The following ZNF729 variants were observed in gnomAD, a reference collection of about 807,000 sequenced individuals.
ZNF729 encodes the protein zinc finger protein 729.
In ZNF729, 15 loss-of-function variants were observed where a neutral mutation model predicts 12.2. That is an observed-to-expected ratio of 1.23 (90% confidence interval 0.82 to 1.89). The LOEUF is 1.89. ZNF729 is among the 40% of genes most tolerant of loss of function. The pLI, the probability that ZNF729 is intolerant of heterozygous loss-of-function variation, is 0.00. For missense variants in ZNF729, 1,540 were observed against 1,456.7 expected, an observed-to-expected ratio of 1.06 and a Z score of -0.93; for synonymous variants, 492 against 476.3, an observed-to-expected ratio of 1.03 and a Z score of -0.43.
At chr19:22,295,037 T>TA (rs199627690) in intron 1 of ZNF729, among the ~76,000 whole-genome samples, 4 of 139,646 alleles carry the variant, frequency 2.9e-5, no homozygotes, top group African/African-American at 1.2e-4. Context: ...CTCCTAGATA[T>TA]TTGTGTGTGT....
intron 3 of ZNF729, among the ~76,000 whole-genome samples, chr19:22,307,047 A>G (rs1329596657): frequency 6.6e-6 from 1 of 151,634 alleles, no homozygotes; most frequent in Non-Finnish European, 1.5e-5. Flanking sequence ...AATATAAAAG[A>G]CTCATTTTAG....
chr19:22,315,653 G>A lies in ZNF729; in HGVS notation c.2236G>A (p.Gly746Ser), dbSNP rs1294043837. ...GAAACCCTGCAAATGTGAAGAATGT[G>A]GCAAATCTTTTAAGCATTTCTCAGC... ...AEKPCKCEEC[G>S]KSFKHFSALR... Residue 746 changes from glycine to serine, a missense_variant, in exon 4 of 4, where the codon GGC becomes AGC. Coordinates refer to ENST00000601693, the MANE Select transcript of ZNF729 (RefSeq NM_001242680.2). 2 of 1,608,576 alleles carry A rather than the reference G, an allele frequency of 1.2e-6. No homozygotes were observed. The highest frequency in any genetic ancestry group is 1.7e-6 in the Non-Finnish European group (2 of 1,179,298).
At chr19:22,288,247 AT>A (rs1261791550) in intron 1 of ZNF729, among the ~76,000 whole-genome samples, 2 of 149,670 alleles carry the variant, frequency 1.3e-5, no homozygotes, top group African/African-American at 2.5e-5. Context: ...GTTTGTAAAT[AT>A]TTCCTATGAG....
chr19:22,303,955 G>A (rs1366886988), intron 2 of ZNF729, 71 bp downstream of exon 2: 7 of 1,393,698 alleles, frequency 5.0e-6, no homozygotes, highest in Non-Finnish European at 6.7e-6. Context: ...TGTAGAATGT[G>A]TTTTGGTGAT....
At chr19:22,286,647 GTCAGCTCCACA>G in intron 1 of ZNF729, 92 bp downstream of exon 1, 1 of 1,506,278 alleles carries the variant, frequency 6.6e-7, no homozygotes, top group Non-Finnish European at 9.2e-7. Flanking sequence ...CCTCCCCGCA[GTCAGCTCCACA>G]ATCTGCGCCT....
chr19:22,301,950 C>T (rs1460638850), intron 1 of ZNF729, among the ~76,000 whole-genome samples: 1 of 152,428 alleles, frequency 6.6e-6, no homozygotes, highest in East Asian at 1.9e-4. Flanking sequence ...GTCTCTTCTG[C>T]CTGGCTCATC....
Position 22,314,711 on chromosome 19 carries a change from T to A in ZNF729, c.1294T>A (p.Tyr432Asn). Residue 432 changes from tyrosine to asparagine, a missense_variant, in exon 4 of 4, where the codon TAC (tyrosine) becomes AAC (asparagine). By Grantham distance (143) the Tyr-to-Asn change is moderately radical (BLOSUM62 -2). Coordinates refer to ENST00000601693, the MANE Select transcript of ZNF729 (RefSeq NM_001242680.2). ...HKIIHTGKKP[Y>N]KCEECGKAFN... is the part of the protein sequence containing the mutation. ...GATAATTCATACTGGAAAGAAACCC[T>A]ACAAATGTGAAGAATGTGGCAAAGC... 4 of 1,613,284 alleles carry A rather than the reference T, an allele frequency of 2.5e-6. No individual in the cohort carries two copies. The highest frequency in any genetic ancestry group is 3.4e-6 in the Non-Finnish European group (4 of 1,179,864).
chr19:22,306,839 A>C (rs1968384063), intron 3 of ZNF729, among the ~76,000 whole-genome samples: 1 of 151,610 alleles, frequency 6.6e-6, no homozygotes, highest in Admixed American at 6.6e-5. Context: ...CTATTATTAT[A>C]GTAAGAAATT....
intron 3 of ZNF729, among the ~76,000 whole-genome samples, chr19:22,309,745 A>C (rs1429255922): frequency 1.3e-5 from 2 of 151,912 alleles, no homozygotes; most frequent in African/African-American, 4.8e-5. Flanking sequence ...TCTGTGAAGA[A>C]TGATGATGCT....
At chr19:22,290,990 G>A (rs1968144416) in intron 1 of ZNF729, among the ~76,000 whole-genome samples, 1 of 152,124 alleles carries the variant, frequency 6.6e-6, no homozygotes, top group Admixed American at 6.6e-5. Context: ...TTAAACGGTA[G>A]CTCAGAAACA....
chr19:22,308,809 C>T (rs1470483369), intron 3 of ZNF729, among the ~76,000 whole-genome samples: 2 of 152,066 alleles, frequency 1.3e-5, no homozygotes, highest in Non-Finnish European at 2.9e-5. Flanking sequence ...TTTTCTCCTA[C>T]TCTGTGGGTT....
At chr19:22,309,436 C>T (rs1341621550) in intron 3 of ZNF729, among the ~76,000 whole-genome samples, 1 of 152,018 alleles carries the variant, frequency 6.6e-6, no homozygotes, top group Admixed American at 6.5e-5. Context: ...CAGAGCAAAA[C>T]TCCATCTCAG....
Position 22,316,881 on chromosome 19 carries a change from C to G in ZNF729, c.3464C>G (p.Ser1155Cys), listed in dbSNP as rs1340213747. 6.2e-7 allele frequency: 1 copy of G among 1,612,912 alleles called. No homozygotes were observed. The highest frequency in any genetic ancestry group is 1.1e-5 in the South Asian group (1 of 91,078). Reference sequence around the variant, plus strand: ...CTTACTAAACATAAGATAATTCATTCTGTAGAGAAACCCTACAAATGTGAA... The same window carrying G: ...CTTACTAAACATAAGATAATTCATTGTGTAGAGAAACCCTACAAATGTGAA... Reference protein sequence around the residue: ...SILTKHKIIHSVEKPYKCEEC... With the variant: ...SILTKHKIIHCVEKPYKCEEC... The change falls in exon 4 of 4, where the codon TCT (serine) becomes TGT (cysteine). Residue 1155 changes from serine to cysteine, a missense_variant. Ser to Cys is a moderately radical substitution (Grantham distance 112). Transcript: ENST00000601693.
chr19:22,288,835 A>G (rs940106729), intron 1 of ZNF729, among the ~76,000 whole-genome samples: 7 of 152,164 alleles, frequency 4.6e-5, no homozygotes, highest in African/African-American at 1.4e-4. Flanking sequence ...TGAAAGAAAA[A>G]TAGTGCGAAT....
In ZNF729 at chr19:22,316,395, A is replaced by T; in HGVS notation, c.2978A>T (p.Lys993Ile). The T allele has an allele frequency of 6.2e-7, 1 of 1,613,754 alleles. No homozygotes were observed. The highest frequency in any genetic ancestry group is 8.5e-7 in the Non-Finnish European group (1 of 1,179,748). Residue 993 changes from lysine to isoleucine, a missense_variant, in exon 4 of 4, where the codon AAA becomes ATA. By Grantham distance (102) the Lys-to-Ile change is moderately radical. Coordinates refer to ENST00000601693, the MANE Select transcript of ZNF729 (RefSeq NM_001242680.2). ...ATTCATACTGGGGAGAAACCCTACA[A>T]ATGCGAAGAATGTGGCAAAGATTTT... is the stretch of plus-strand genomic sequence containing the variant. Reference protein sequence around the residue: ...KAIHTGEKPYKCEECGKDFNN... With the variant: ...KAIHTGEKPYICEECGKDFNN...
intron 1 of ZNF729, among the ~76,000 whole-genome samples, chr19:22,297,929 C>G (rs1449302940): frequency 6.8e-6 from 1 of 146,454 alleles, no homozygotes; most frequent in African/African-American, 2.5e-5. Context: ...TGCTTGAACC[C>G]AGGAGGTGGA....
At position 22,314,358 on chromosome 19, in the gene ZNF729, A is replaced by G; in HGVS notation, c.941A>G (p.His314Arg). The G allele has an allele frequency of 1.3e-6, 2 of 1,587,364 alleles. No homozygotes were observed. Among genetic ancestry groups the G allele is most frequent in the Non-Finnish European group, 1.7e-6 (2 of 1,162,056 alleles). Reference sequence around the variant, plus strand: ...AATTTTAATGCACATAAGGTAATTCATACTGCAGAGAAACCCTACAAATGT... The same window carrying G: ...AATTTTAATGCACATAAGGTAATTCGTACTGCAGAGAAACCCTACAAATGT... ...SSNFNAHKVI[H>R]TAEKPYKCED... The change falls in exon 4 of 4, where the codon CAT (histidine) becomes CGT (arginine). Residue 314 changes from histidine (H) to arginine (R), a missense_variant. His to Arg is a conservative substitution (Grantham distance 29, BLOSUM62 0). Coordinates refer to ENST00000601693, the MANE Select transcript of ZNF729 (RefSeq NM_001242680.2).
rs775628459 is a variant in ZNF729 at position 22,315,957 on chromosome 19, C to T, written c.2540C>T (p.Thr847Ile). 6.2e-7 allele frequency: 1 copy of T among 1,610,468 alleles called. No individual in the cohort carries two copies. Among genetic ancestry groups the T allele is most frequent in the Non-Finnish European group, 8.5e-7 (1 of 1,179,638 alleles). Residue 847 changes from threonine to isoleucine, a missense_variant, in exon 4 of 4, where the codon ACT becomes ATT. Physicochemically the swap from Thr to Ile is moderately conservative, Grantham distance 89. Transcript: ENST00000601693. ...SALRKHKVIH[T>I]GKKPYKCEEC... ...CTTAGAAAACATAAGGTAATTCATA[C>T]TGGAAAGAAACCCTACAAATGTGAA...
intron 1 of ZNF729, among the ~76,000 whole-genome samples, chr19:22,290,347 G>T (rs1968136439): frequency 6.6e-6 from 1 of 152,192 alleles, no homozygotes; most frequent in Non-Finnish European, 1.5e-5. Context: ...TTGTTTTGTG[G>T]TAGTTTCTAG....
Sources: allele counts gnomAD v4.1 joint callset (sites outside exome capture counted in the v4.1 genomes callset), GRCh38; gene constraint gnomAD v4.1.1; transcripts MANE v1.5; gene names NCBI Gene and HGNC (gene_info 2026-07-23, HGNC 2026-07-21).